Variants in CEP128 observed in about 807,000 individuals in gnomAD.
The protein encoded by CEP128 is centrosomal protein 128, also known as centrosomal protein 128kDa.
CEP128 carries 132 observed loss-of-function variants against 156.7 expected under a neutral mutation model. The observed-to-expected ratio is 0.84, with a 90% CI of 0.73 to 0.97. CEP128 has a LOEUF of 0.97. CEP128 is among the 50% of genes least tolerant of loss of function. CEP128 has a pLI of 0.00. For missense variants in CEP128, 1,252 were observed against 1,281.9 expected (o/e 0.98, Z 0.36); for synonymous variants, 469 against 448.9 (o/e 1.04, Z -0.57).
chr14:80,650,085 A>G (rs1894834265), intron 19 of CEP128, among the ~76,000 whole-genome samples: 1 of 151,916 alleles, frequency 6.6e-6, no homozygotes, highest in Non-Finnish European at 1.5e-5. Flanking sequence ...GTCCTCTCTT[A>G]TTTCCTTGAG....
At chr14:80,698,024 A>G (rs1407836389) in intron 19 of CEP128, among the ~76,000 whole-genome samples, 3 of 152,058 alleles carry the variant, frequency 2.0e-5, no homozygotes, top group Non-Finnish European at 4.4e-5. Flanking sequence ...TATAGACCTT[A>G]AAGTTAATGA....
intron 21 of CEP128, among the ~76,000 whole-genome samples, chr14:80,558,096 G>A (rs1482422700): frequency 3.3e-5 from 5 of 152,008 alleles, no homozygotes; most frequent in Admixed American, 3.3e-4. Context: ...TTATGTAACT[G>A]ATCACTGTTG....
intron 19 of CEP128, among the ~76,000 whole-genome samples, chr14:80,701,810 C>G (rs1175761716): frequency 6.6e-6 from 1 of 152,206 alleles, no homozygotes; most frequent in Non-Finnish European, 1.5e-5. Context: ...CTACACTCCT[C>G]TTGGCTCACC....
intron 19 of CEP128, among the ~76,000 whole-genome samples, chr14:80,606,496 A>T (rs866919853): frequency 6.6e-6 from 1 of 152,120 alleles, no homozygotes; most frequent in Admixed American, 6.6e-5. Flanking sequence ...AAGTCTGTAA[A>T]ATTTCCATCA....
chr14:80,501,207 G>A (rs566077741), intron 24 of CEP128, among the ~76,000 whole-genome samples: 32 of 152,114 alleles, frequency 2.1e-4, no homozygotes, highest in Non-Finnish European at 3.5e-4. Flanking sequence ...CCACACTGAG[G>A]CACATCATCA....
At chr14:80,566,018 A>G (rs1322696444) in intron 20 of CEP128, among the ~76,000 whole-genome samples, 1 of 152,202 alleles carries the variant, frequency 6.6e-6, no homozygotes, top group Non-Finnish European at 1.5e-5. Flanking sequence ...AGAAGCTTGA[A>G]GAGTATAGAA....
At chr14:80,930,017 G>A (rs988788651) in intron 2 of CEP128, among the ~76,000 whole-genome samples, 4 of 152,192 alleles carry the variant, frequency 2.6e-5, no homozygotes, top group African/African-American at 9.7e-5. Flanking sequence ...TCCACTTTCT[G>A]TCAGATCAGC....
At chr14:80,760,739 G>A (rs138095510) in intron 17 of CEP128, among the ~76,000 whole-genome samples, 79 of 152,214 alleles carry the variant, frequency 5.2e-4, no homozygotes, top group African/African-American at 1.8e-3. Flanking sequence ...AAGGAATTCA[G>A]AGCATCCATG....
At chr14:80,779,459 C>G (rs1900982693) in intron 15 of CEP128, among the ~76,000 whole-genome samples, 1 of 152,146 alleles carries the variant, frequency 6.6e-6, no homozygotes, top group East Asian at 1.9e-4. Context: ...GAAAATTGTT[C>G]AACTATGATT....
intron 9 of CEP128, among the ~76,000 whole-genome samples, chr14:80,841,964 A>T (rs1366088366): frequency 6.6e-6 from 1 of 152,016 alleles, no homozygotes; most frequent in Non-Finnish European, 1.5e-5. Context: ...AAATTAAATT[A>T]AAAAAATCCA....
chr14:80,536,856 G>A (rs1372357313), intron 21 of CEP128, among the ~76,000 whole-genome samples: 3 of 152,160 alleles, frequency 2.0e-5, no homozygotes, highest in Non-Finnish European at 2.9e-5. Flanking sequence ...TGTATTTTAT[G>A]AGCGGTCTAA....
chr14:80,738,828 G>T (rs970808065), intron 19 of CEP128, among the ~76,000 whole-genome samples: 1 of 152,250 alleles, frequency 6.6e-6, no homozygotes, highest in Non-Finnish European at 1.5e-5. Context: ...ATCCACTAGG[G>T]TGCCTAAGTC....
At chr14:80,802,542 G>A (rs1303260316) in intron 13 of CEP128, among the ~76,000 whole-genome samples, 1 of 142,686 alleles carries the variant, frequency 7.0e-6, no homozygotes, top group Admixed American at 7.0e-5. Context: ...GCCTGTTGGG[G>A]AGTGGGGGGT....
intron 19 of CEP128, among the ~76,000 whole-genome samples, chr14:80,603,660 T>G (rs372767872): frequency 7.7e-4 from 117 of 152,288 alleles, no homozygotes; most frequent in Non-Finnish European, 1.3e-3. Context: ...ATCTCTCAAT[T>G]AATAGCAATT....
intron 19 of CEP128, among the ~76,000 whole-genome samples, chr14:80,633,238 A>AACAC (rs940184313): frequency 2.6e-5 from 4 of 151,640 alleles, no homozygotes; most frequent in Non-Finnish European, 5.9e-5. Context: ...GAAACAAACA[A>AACAC]ACAAACAAAC....
intron 21 of CEP128, among the ~76,000 whole-genome samples, chr14:80,540,688 C>T (rs1889715446): frequency 6.6e-6 from 1 of 152,030 alleles, no homozygotes. Context: ...ACTGCTAGCC[C>T]CTCACCCCTA....
chr14:80,556,727 A>C (rs1890452971), intron 21 of CEP128, among the ~76,000 whole-genome samples: 1 of 152,214 alleles, frequency 6.6e-6, no homozygotes, highest in African/African-American at 2.4e-5. Context: ...TAGCACCATG[A>C]TATATGCTCT....
At chr14:80,759,193 T>C (rs1194161716) in intron 17 of CEP128, among the ~76,000 whole-genome samples, 1 of 152,146 alleles carries the variant, frequency 6.6e-6, no homozygotes, top group Non-Finnish European at 1.5e-5. Context: ...TTAACTAAAG[T>C]GGAATAAGTA....
chr14:80,611,240 G>A (rs1892982315), intron 19 of CEP128, among the ~76,000 whole-genome samples: 1 of 148,264 alleles, frequency 6.7e-6, no homozygotes, highest in African/African-American at 2.5e-5. Context: ...AACATTCAAA[G>A]ACTAAAGAGA....
Sources: allele counts gnomAD v4.1 joint callset (sites outside exome capture counted in the v4.1 genomes callset), GRCh38; gene constraint gnomAD v4.1.1; transcripts MANE v1.5; gene names NCBI Gene and HGNC (gene_info 2026-07-23, HGNC 2026-07-21).